The following SH3GL2 variants were observed in gnomAD, a reference collection of about 807,000 sequenced individuals.
SH3GL2 encodes SH3 domain containing GRB2 like 2, endophilin A1, also known as endophilin-A1.
SH3GL2 carries 24 observed loss-of-function variants against 46.0 expected under a neutral mutation model. That is an observed-to-expected ratio of 0.52 (90% CI 0.38 to 0.73). The LOEUF (loss-of-function observed/expected upper bound fraction) is 0.73. Ranked by LOEUF, SH3GL2 falls within the 30% of genes least tolerant of loss-of-function variation. The pLI is 0.00. For missense variants in SH3GL2, 413 were observed against 424.2 expected, an observed-to-expected ratio of 0.97 and a Z score of 0.23; for synonymous variants, 196 against 147.1, an observed-to-expected ratio of 1.33 and a Z score of -2.40.
chr9:17,665,142 C>G (rs1306860691), intron 1 of SH3GL2, among the ~76,000 whole-genome samples: 3 of 151,580 alleles, frequency 2.0e-5, no homozygotes, highest in Non-Finnish European at 4.4e-5. Context: ...TTTAAGAGTT[C>G]CTGTAGACTA....
At chr9:17,768,334 G>A (rs529067239) in intron 3 of SH3GL2, among the ~76,000 whole-genome samples, 1 of 136,910 alleles carries the variant, frequency 7.3e-6, no homozygotes, top group Non-Finnish European at 1.5e-5. Context: ...TCATGCCACT[G>A]CACTGCAGCC....
chr9:17,755,851 C>G (rs1387237437), intron 2 of SH3GL2: 2 of 824,314 alleles, frequency 2.4e-6, no homozygotes, highest in Non-Finnish European at 2.9e-6. Flanking sequence ...TCCCATGTCT[C>G]TGGAAGAGTA....
In SH3GL2 at chr9:17,786,368, T is replaced by C. The variant is rs1430274611; in HGVS notation, c.188-13T>C. 4.4e-6 allele frequency: 7 copies of C among 1,602,986 alleles called. No homozygotes were observed. The highest frequency in any genetic ancestry group is 1.8e-5 in the Admixed American group (1 of 56,276). On this transcript the variant is annotated splice_polypyrimidine_tract_variant and intron_variant, in intron 3 of 8. Coordinates refer to ENST00000380607, the MANE Select transcript of SH3GL2 (RefSeq NM_003026.5). ...TTGCCTACTCTGAAAGCTTGTTCTC[T>C]CTTCACCTTCAGCTTCCAGAGCTAA...
At chr9:17,583,769 G>T (rs1385450538) in intron 1 of SH3GL2, among the ~76,000 whole-genome samples, 2 of 152,104 alleles carry the variant, frequency 1.3e-5, no homozygotes, top group African/African-American at 2.4e-5. Context: ...TTTGTGTTCT[G>T]TGTCTTTTTG....
chr9:17,793,921 A>G (rs1376122370), intron 8 of SH3GL2, among the ~76,000 whole-genome samples: 2 of 152,234 alleles, frequency 1.3e-5, no homozygotes, highest in African/African-American at 4.8e-5. Context: ...TTCGCATATA[A>G]CCCACAGACA....
chr9:17,789,664 C>T (rs1824066542), intron 6 of SH3GL2, 114 bp downstream of exon 6: 1 of 1,488,772 alleles, frequency 6.7e-7, no homozygotes, highest in Non-Finnish European at 9.0e-7. Context: ...GTGATAAGAA[C>T]TTCAGTAGAT....
intron 3 of SH3GL2, among the ~76,000 whole-genome samples, chr9:17,762,635 G>C (rs1823211413): frequency 6.6e-6 from 1 of 152,190 alleles, no homozygotes; most frequent in African/African-American, 2.4e-5. Flanking sequence ...GAGCTTATGT[G>C]AGGGAGGAAA....
At chr9:17,635,921 G>T (rs1316393605) in intron 1 of SH3GL2, among the ~76,000 whole-genome samples, 1 of 152,184 alleles carries the variant, frequency 6.6e-6, no homozygotes, top group Admixed American at 6.5e-5. Context: ...TTATCAGCCT[G>T]GTCACAGCAG....
intron 3 of SH3GL2, among the ~76,000 whole-genome samples, chr9:17,763,996 A>G (rs543897924): frequency 6.6e-6 from 1 of 152,292 alleles, no homozygotes; most frequent in African/African-American, 2.4e-5. Flanking sequence ...ACATCAAAGG[A>G]GGAGGTAATT....
At chr9:17,654,067 A>G (rs1820014738) in intron 1 of SH3GL2, among the ~76,000 whole-genome samples, 1 of 152,170 alleles carries the variant, frequency 6.6e-6, no homozygotes. Flanking sequence ...ATTAGCAGCT[A>G]GCTTCTAGAA....
chr9:17,608,238 C>T (rs560902024), intron 1 of SH3GL2, among the ~76,000 whole-genome samples: 43 of 150,340 alleles, frequency 2.9e-4, no homozygotes, highest in African/African-American at 1.0e-3. Context: ...AGCTCTGCCT[C>T]CCAGGTTCAC....
At chr9:17,756,147 T>C (rs1337622387) in intron 2 of SH3GL2, among the ~76,000 whole-genome samples, 1 of 152,180 alleles carries the variant, frequency 6.6e-6, no homozygotes, top group Non-Finnish European at 1.5e-5. Context: ...AACAAAACTT[T>C]ATCTAAGGAT....
chr9:17,680,392 T>C (rs1247813574), intron 1 of SH3GL2, among the ~76,000 whole-genome samples: 1 of 152,204 alleles, frequency 6.6e-6, no homozygotes, highest in Admixed American at 6.5e-5. Flanking sequence ...ATTCATTTCT[T>C]CTAGATTTTC....
At chr9:17,712,471 T>G (rs1171871000) in intron 1 of SH3GL2, among the ~76,000 whole-genome samples, 2 of 151,856 alleles carry the variant, frequency 1.3e-5, no homozygotes, top group Admixed American at 1.3e-4. Context: ...GATCAGTTTG[T>G]GCTAATTTTG....
intron 2 of SH3GL2, 50 bp from the exon 3 acceptor site, chr9:17,761,387 T>G (rs527656476): frequency 8.4e-7 from 1 of 1,197,310 alleles, no homozygotes; most frequent in Admixed American, 1.7e-5. Flanking sequence ...AAACCGGTAT[T>G]CTAAAGCTCA....
At chr9:17,611,618 A>C (rs1192698845) in intron 1 of SH3GL2, among the ~76,000 whole-genome samples, 1 of 152,208 alleles carries the variant, frequency 6.6e-6, no homozygotes, top group Non-Finnish European at 1.5e-5. Flanking sequence ...ATCTTACATT[A>C]CTGTTTTCAT....
chr9:17,708,305 T>G (rs918726521), intron 1 of SH3GL2, among the ~76,000 whole-genome samples: 2 of 152,078 alleles, frequency 1.3e-5, no homozygotes, highest in African/African-American at 4.8e-5. Flanking sequence ...ATAGTGAGAC[T>G]GAATTTTGTT....
At chr9:17,649,721 T>C (rs1266925534) in intron 1 of SH3GL2, among the ~76,000 whole-genome samples, 6 of 152,242 alleles carry the variant, frequency 3.9e-5, no homozygotes, top group Admixed American at 1.3e-4. Context: ...TTGAGGAAAA[T>C]AGTGAATATT....
chr9:17,685,841 GT>G (rs1281769467), intron 1 of SH3GL2, among the ~76,000 whole-genome samples: 1 of 152,046 alleles, frequency 6.6e-6, no homozygotes, highest in African/African-American at 2.4e-5. Context: ...TGCTGTTTTG[GT>G]TACTGTAGCC....
Sources: allele counts gnomAD v4.1 joint callset (sites outside exome capture counted in the v4.1 genomes callset), GRCh38; gene constraint gnomAD v4.1.1; transcripts MANE v1.5; gene names NCBI Gene and HGNC (gene_info 2026-07-23, HGNC 2026-07-21).